Variants in THSD1 observed in about 807,000 individuals in gnomAD.
THSD1 encodes thrombospondin type 1 domain containing 1.
In THSD1, 34 loss-of-function variants were observed where a neutral mutation model predicts 46.3. That is an observed-to-expected ratio of 0.74 (90% CI 0.56 to 0.98). The LOEUF (loss-of-function observed/expected upper bound fraction) is 0.98, where lower values mean the gene tolerates loss of function less well. Ranked by LOEUF, THSD1 falls within the 50% of genes least tolerant of loss-of-function variation. THSD1 has a pLI of 0.00. For synonymous variants in THSD1, 407 were observed against 416.5 expected (o/e 0.98, Z 0.28); for missense variants, 1,023 against 1,058.3 (o/e 0.97, Z 0.46).
chr13:52,381,792 C>T (rs1251331156), intron 4 of THSD1, among the ~76,000 whole-genome samples: 1 of 152,150 alleles, frequency 6.6e-6, no homozygotes, highest in Non-Finnish European at 1.5e-5. Context: ...GGACCCTTCT[C>T]CAGCCCTCTC....
intron 3 of THSD1, among the ~76,000 whole-genome samples, chr13:52,394,592 C>A (rs961417743): frequency 1.4e-5 from 2 of 147,560 alleles, no homozygotes; most frequent in African/African-American, 2.5e-5. Context: ...CCAGCCTGGG[C>A]AACAGAGCAA....
intron 3 of THSD1, among the ~76,000 whole-genome samples, chr13:52,395,665 G>A (rs1957805201): frequency 1.3e-5 from 2 of 152,158 alleles, no homozygotes; most frequent in Admixed American, 6.5e-5. Context: ...GGTGGGCCAA[G>A]GAGACTGTGA....
chr13:52,399,507 C>A (rs151092776), intron 2 of THSD1, among the ~76,000 whole-genome samples: 7 of 152,184 alleles, frequency 4.6e-5, no homozygotes, highest in African/African-American at 1.7e-4. Flanking sequence ...GGGTTGCAGT[C>A]TTTAAAATAC....
intron 2 of THSD1, among the ~76,000 whole-genome samples, chr13:52,401,149 A>ATT (rs775025876): frequency 1.3e-5 from 2 of 151,726 alleles, no homozygotes; most frequent in Admixed American, 6.6e-5. Flanking sequence ...TAATTTTTGT[A>ATT]TTTTTAGTAG....
chr13:52,385,724 T>G (rs1403397965), intron 4 of THSD1, among the ~76,000 whole-genome samples: 1 of 152,114 alleles, frequency 6.6e-6, no homozygotes, highest in African/African-American at 2.4e-5. Flanking sequence ...GAAGAAATGA[T>G]CCTTTCCCCA....
chr13:52,398,350 A>AC (rs992706423), intron 2 of THSD1, 156 bp from the exon 3 acceptor site: 124 of 773,836 alleles, frequency 1.6e-4, no homozygotes, highest in South Asian at 8.8e-4. Flanking sequence ...TGCTCGCTGT[A>AC]CCCCTAACAT....
chr13:52,405,481 C>G lies in THSD1; in HGVS notation c.-82+550G>C, dbSNP rs144307599. Among the ~76,000 whole-genome samples, 347 of 152,272 alleles carry G rather than the reference C, an allele frequency of 2.3e-3. 4 individuals are homozygous for G. Among genetic ancestry groups the G allele is most frequent in the South Asian group, 4.4e-3 (21 of 4,824 alleles). On this transcript the variant is annotated intron_variant, in intron 1 of 4. Coordinates refer to ENST00000258613, the MANE Select transcript of THSD1 (RefSeq NM_018676.4). ...CTAGTTCTAAAGCAGCTCGTGTAAA[C>G]AGGCTTCATTTATCTGTTCATTCGA...
chr13:52,378,745 C>G lies in THSD1; in HGVS notation c.1225G>C (p.Val409Leu). ...ACAGTCACGATGTTGTTGGACTTCA[C>G]TGGACCCTGGGGCTGAAGAGGAGAT... ...SPSPLQPQGP[V>L]KSNNIVTVTG... The change falls in exon 5 of 5, where the codon GTG becomes CTG. Residue 409 changes from valine to leucine, a missense_variant. Physicochemically the swap from Val to Leu is conservative, Grantham distance 32. Around this residue, in one of 3 missense-constraint regions of THSD1, gnomAD observed 429 missense variants for 518.3 expected, o/e 0.83. Coordinates refer to ENST00000258613, the MANE Select transcript of THSD1 (RefSeq NM_018676.4). 6.2e-7 allele frequency: 1 copy of G among 1,611,982 alleles called. No homozygotes were observed. The highest frequency in any genetic ancestry group is 8.5e-7 in the Non-Finnish European group (1 of 1,179,866).
At position 52,404,225 on chromosome 13, in the gene THSD1, C is replaced by A. The variant is rs138648535; in HGVS notation, c.-81-1544G>T. On this transcript the variant is annotated intron_variant, in intron 1 of 4. Coordinates refer to ENST00000258613, the MANE Select transcript of THSD1 (RefSeq NM_018676.4). ...CCTCCCAAAGTGCTGGGATTACAGG[C>A]GTGAGCCACCACACCCAGCCCACAG... Among the ~76,000 whole-genome samples, 1,353 of 152,190 alleles carry A rather than the reference C, an allele frequency of 8.9e-3. 18 individuals carry two copies. The highest frequency in any genetic ancestry group is 0.031 in the African/African-American group (1,293 of 41,506).
At position 52,378,240 on chromosome 13, in the gene THSD1, G is replaced by A. The variant is rs777478888; in HGVS notation, c.1730C>T (p.Pro577Leu). Residue 577 changes from proline (P) to leucine (L), a missense_variant, in exon 5 of 5, where the codon CCG becomes CTG. By Grantham distance (98) the Pro-to-Leu change is moderately conservative (BLOSUM62 -3). This residue lies in a region of THSD1 where 578 missense variants were observed against 497.4 expected (regional missense o/e 1.16). Coordinates refer to ENST00000258613, the MANE Select transcript of THSD1 (RefSeq NM_018676.4). ...APSAPLDLES[P>L]EEAAANKFRI... ...GAACTTGTTTGCTGCAGCTTCTTCCGGGCTTTCCAAATCTAAGGGAGCGCT... is the reference window on the plus strand; with the variant it reads ...GAACTTGTTTGCTGCAGCTTCTTCCAGGCTTTCCAAATCTAAGGGAGCGCT... 4.3e-6 allele frequency: 7 copies of A among 1,614,056 alleles called. No homozygotes were observed. The highest frequency in any genetic ancestry group is 1.6e-4 in the Middle Eastern group (1 of 6,084).
chr13:52,404,508 C>A (rs973580136), intron 1 of THSD1, among the ~76,000 whole-genome samples: 1 of 151,852 alleles, frequency 6.6e-6, no homozygotes, highest in Admixed American at 6.6e-5. Flanking sequence ...GCCACCCCCA[C>A]CCAAAAAAAA....
chr13:52,393,237 T>C (rs1228404445), intron 3 of THSD1, among the ~76,000 whole-genome samples: 2 of 152,204 alleles, frequency 1.3e-5, no homozygotes, highest in Non-Finnish European at 1.5e-5. Flanking sequence ...ATAAACTTGT[T>C]ATGAGGACTA....
rs1338779210 is a variant in THSD1, at chr13:52,378,451, C to T, written c.1519G>A (p.Glu507Lys). ...TYRRSGPVPP[E>K]DDASGSESFQ... The stretch of plus-strand genomic sequence containing the variant: ...CTCTCGCTGCCAGAGGCATCATCCT[C>T]GGGAGGTACCGGCCCGCTCCGCCTG... The change falls in exon 5 of 5, where the codon GAG (glutamate) becomes AAG (lysine). Residue 507 changes from glutamate to lysine, a missense_variant. Transcript: ENST00000258613. The T allele has an allele frequency of 1.4e-5, 22 of 1,614,036 alleles. No homozygotes were observed. In the South Asian group the frequency reaches 2.3e-4, roughly 17 times the overall value.
chr13:52,392,238 C>T (rs1329101822), intron 3 of THSD1, among the ~76,000 whole-genome samples: 1 of 146,030 alleles, frequency 6.8e-6, no homozygotes, highest in African/African-American at 2.5e-5. Flanking sequence ...TAGGATACCA[C>T]ACAATAAAAC....
chr13:52,378,172 C>A lies in THSD1; in HGVS notation c.1798G>T (p.Gly600Trp). ...TCCAGCCTGGAGGGAGGCCTTTCCC[C>A]GGCACTGACCGCGGGCTGCTCCGGA... ...PFPEQPAVSA[G>W]ERPPSRLDLN... is the part of the protein sequence containing the mutation. Residue 600 changes from glycine to tryptophan, a missense_variant, in exon 5 of 5, where the codon GGG becomes TGG. Physicochemically the swap from Gly to Trp is radical, Grantham distance 184. This residue lies in a region of THSD1 where 578 missense variants were observed against 497.4 expected (regional missense o/e 1.16). Coordinates refer to ENST00000258613, the MANE Select transcript of THSD1 (RefSeq NM_018676.4). The A allele has an allele frequency of 6.2e-7, 1 of 1,614,166 alleles. No homozygotes were observed. Among genetic ancestry groups the A allele is most frequent in the Non-Finnish European group, 8.5e-7 (1 of 1,180,024 alleles).
At chr13:52,384,490 G>A in intron 4 of THSD1, 1 of 448,498 alleles carries the variant, frequency 2.2e-6, no homozygotes, top group Non-Finnish European at 4.5e-6. Flanking sequence ...ATGCCTGGCA[G>A]GCAGTAAGCT....
chr13:52,377,639 G>A lies in THSD1; in HGVS notation c.2331C>T (p.Pro777=), dbSNP rs962955818. ...HKSVSRKQSS[P]ISPKDNYQRV... ...TCTGGTAGTTATCTTTGGGGGATAT[G>A]GGAGAAGACTGCTTCCTTGAGACAC... Residue 777 remains proline, a synonymous_variant, in exon 5 of 5, where the codon CCC becomes CCT. Transcript: ENST00000258613. The A allele has an allele frequency of 1.2e-6, 2 of 1,610,220 alleles. No individual in the cohort carries two copies. Among genetic ancestry groups the A allele is most frequent in the African/African-American group, 1.3e-5 (1 of 74,862 alleles).
At chr13:52,388,124 C>A (rs922433534) in intron 3 of THSD1, among the ~76,000 whole-genome samples, 1 of 150,622 alleles carries the variant, frequency 6.6e-6, no homozygotes, top group South Asian at 2.1e-4. Context: ...ATTATCCAAG[C>A]CAGAAGATAA....
At chr13:52,390,085 A>C (rs1957762281) in intron 3 of THSD1, among the ~76,000 whole-genome samples, 1 of 151,904 alleles carries the variant, frequency 6.6e-6, no homozygotes, top group Non-Finnish European at 1.5e-5. Context: ...AGGCTTCAGT[A>C]AGCCACGATC....
Sources: allele counts gnomAD v4.1 joint callset (sites outside exome capture counted in the v4.1 genomes callset), GRCh38; gene constraint gnomAD v4.1.1; regional missense constraint gnomAD v4.1.1; transcripts MANE v1.5; gene names NCBI Gene and HGNC (gene_info 2026-07-23, HGNC 2026-07-21).